Variants in KLHL29 observed in about 807,000 individuals in gnomAD.
KLHL29 encodes the protein kelch-like protein 29.
Under a neutral mutation model 80.4 loss-of-function variants are expected in KLHL29, and 21 were observed. That is an observed-to-expected ratio of 0.26 (90% CI 0.19 to 0.38). The LOEUF (loss-of-function observed/expected upper bound fraction) is 0.38, where lower values mean the gene tolerates loss of function less well. KLHL29 is among the 10% of genes least tolerant of loss of function. The probability of loss-of-function intolerance (pLI) is 1.00; values close to 1 mark genes in which losing one functional copy is unlikely to be tolerated. For synonymous variants in KLHL29, 511 were observed against 526.8 expected (o/e 0.97, Z 0.41); for missense variants, 867 against 1,223.9 (o/e 0.71, Z 4.35).
At chr2:23,445,598 C>T (rs550241383) in intron 1 of KLHL29, among the ~76,000 whole-genome samples, 26 of 152,196 alleles carry the variant, frequency 1.7e-4, no homozygotes, top group Non-Finnish European at 3.4e-4. Context: ...CATGTCATTT[C>T]GTACATGTGA....
intron 3 of KLHL29, among the ~76,000 whole-genome samples, chr2:23,614,665 G>A (rs957066558): frequency 1.3e-5 from 2 of 152,136 alleles, no homozygotes; most frequent in Admixed American, 1.3e-4. Context: ...TGAATAAGGA[G>A]TGTTAGCTGT....
At chr2:23,597,211 G>A (rs192188701) in intron 3 of KLHL29, among the ~76,000 whole-genome samples, 436 of 151,092 alleles carry the variant, frequency 2.9e-3, no homozygotes, top group African/African-American at 9.0e-3. Flanking sequence ...AGAGTCTGAT[G>A]AGGGCATTGT....
At chr2:23,573,251 G>A (rs1488430876) in intron 3 of KLHL29, among the ~76,000 whole-genome samples, 1 of 152,176 alleles carries the variant, frequency 6.6e-6, no homozygotes, top group Non-Finnish European at 1.5e-5. Context: ...TGACTTGCCT[G>A]TAATTCTCTG....
intron 2 of KLHL29, among the ~76,000 whole-genome samples, chr2:23,477,659 G>A (rs554273494): frequency 6.6e-5 from 10 of 152,354 alleles, no homozygotes; most frequent in East Asian, 3.9e-4. Flanking sequence ...TAGCGATATC[G>A]CCGGCACTGG....
intron 1 of KLHL29, among the ~76,000 whole-genome samples, chr2:23,465,388 A>AG (rs1246481176): frequency 6.6e-6 from 1 of 152,316 alleles, no homozygotes; most frequent in African/African-American, 2.4e-5. Context: ...TCTGTGTGTG[A>AG]GGGCACCTAG....
chr2:23,510,443 A>G lies in KLHL29; in HGVS notation c.-46+34776A>G, dbSNP rs1572366502. ...CCTGCTGTGTGGGGCCACCCCAGCC[A>G]TGGTGGTGGTGATGGTGAGCTGTCC... On this transcript the variant is annotated intron_variant, in intron 2 of 13. Coordinates refer to ENST00000486442, the MANE Select transcript of KLHL29 (RefSeq NM_052920.2). Among the ~76,000 whole-genome samples the G allele has an allele frequency of 3.3e-5, 5 of 152,298 alleles. No individual in the cohort carries two copies. The Middle Eastern group carries it at 0.017, about 518-fold the overall frequency.
intron 2 of KLHL29, among the ~76,000 whole-genome samples, chr2:23,560,511 C>A (rs1257551766): frequency 6.6e-6 from 1 of 152,182 alleles, no homozygotes; most frequent in South Asian, 2.1e-4. Context: ...CCTTGTGATC[C>A]GCCTGCCTTG....
chr2:23,473,781 G>A (rs533388637), intron 1 of KLHL29, among the ~76,000 whole-genome samples: 12 of 152,204 alleles, frequency 7.9e-5, no homozygotes, highest in Non-Finnish European at 1.0e-4. Context: ...TAGCCTACAG[G>A]GCCCTACGCA....
rs967941602 is a variant in KLHL29 at position 23,562,422 on chromosome 2, G to T, written c.226G>T (p.Gly76Cys). The T allele has an allele frequency of 1.3e-6, 2 of 1,537,604 alleles. No individual in the cohort carries two copies. The highest frequency in any genetic ancestry group is 1.7e-6 in the Non-Finnish European group (2 of 1,146,736). The change falls in exon 3 of 14, where the codon GGC (glycine) becomes TGC (cysteine). Residue 76 changes from glycine to cysteine, a missense_variant. Gly to Cys is a radical substitution (Grantham distance 159, BLOSUM62 -3). Transcript: ENST00000486442. This position sits in a 1 kb window ranked among gnomAD's most constrained non-coding sequence, Gnocchi z 4.5. ...PATAPAPCTTGSSEAITSLVA... is the reference protein window; with the variant it reads ...PATAPAPCTTCSSEAITSLVA... The stretch of plus-strand genomic sequence containing the variant: ...TACAGCTCCTGCTCCCTGCACCACC[G>T]GCAGCAGCGAGGCCATCACCAGCCT...
At chr2:23,441,469 T>G (rs1218380412) in intron 1 of KLHL29, among the ~76,000 whole-genome samples, 1 of 151,074 alleles carries the variant, frequency 6.6e-6, no homozygotes, top group Non-Finnish European at 1.5e-5. Flanking sequence ...CCCTAAAACT[T>G]AAAGTATAAT....
intron 3 of KLHL29, among the ~76,000 whole-genome samples, chr2:23,588,526 C>T (rs1668173484): frequency 6.6e-6 from 1 of 152,130 alleles, no homozygotes; most frequent in Non-Finnish European, 1.5e-5. Context: ...GGCTTCTCTC[C>T]CTGGCCCCTG....
chr2:23,599,157 G>C (rs1036870167), intron 3 of KLHL29, among the ~76,000 whole-genome samples: 1 of 152,228 alleles, frequency 6.6e-6, no homozygotes, highest in Non-Finnish European at 1.5e-5. Context: ...ATGTCCCGCA[G>C]AATCATCTGA....
At chr2:23,454,767 G>A (rs142983760) in intron 1 of KLHL29, among the ~76,000 whole-genome samples, 8 of 151,220 alleles carry the variant, frequency 5.3e-5, no homozygotes, top group East Asian at 3.9e-4. Context: ...ATCTCTCCCC[G>A]CCTTGCCCAG....
chr2:23,470,294 C>T (rs952807884), intron 1 of KLHL29, among the ~76,000 whole-genome samples: 5 of 152,100 alleles, frequency 3.3e-5, no homozygotes, highest in South Asian at 2.1e-4. Context: ...TGGAAAGTTT[C>T]GTACTCCAGA....
At chr2:23,426,730 G>A (rs559977709) in intron 1 of KLHL29, among the ~76,000 whole-genome samples, 4 of 152,164 alleles carry the variant, frequency 2.6e-5, no homozygotes, top group African/African-American at 7.2e-5. Context: ...ACTCAGAGCC[G>A]TGACTGGGAC....
chr2:23,699,223 A>G (rs1225660344), intron 11 of KLHL29, among the ~76,000 whole-genome samples: 1 of 152,142 alleles, frequency 6.6e-6, no homozygotes, highest in East Asian at 1.9e-4. Context: ...CTGAGTTATG[A>G]CTGGTGTCCC....
chr2:23,423,262 A>G (rs148368232), intron 1 of KLHL29, among the ~76,000 whole-genome samples: 27 of 152,312 alleles, frequency 1.8e-4, no homozygotes, highest in African/African-American at 6.5e-4. Context: ...CTGCAGGGCA[A>G]TTCTGGGGCC....
At chr2:23,622,355 G>A (rs1161602403) in intron 3 of KLHL29, among the ~76,000 whole-genome samples, 1 of 152,128 alleles carries the variant, frequency 6.6e-6, no homozygotes, top group African/African-American at 2.4e-5. Context: ...GACTCACAAG[G>A]CCAGGATAGG....
intron 1 of KLHL29, among the ~76,000 whole-genome samples, chr2:23,389,789 G>A (rs575526589): frequency 2.0e-5 from 3 of 152,224 alleles, no homozygotes; most frequent in Middle Eastern, 3.4e-3. Flanking sequence ...ACATATCCAC[G>A]CAAATGTTTG....
Sources: allele counts gnomAD v4.1 joint callset (sites outside exome capture counted in the v4.1 genomes callset), GRCh38; gene constraint gnomAD v4.1.1; non-coding constraint Gnocchi (gnomAD v3.1); transcripts MANE v1.5; gene names NCBI Gene and HGNC (gene_info 2026-07-23, HGNC 2026-07-21).